Variants in GOSR1 observed in about 807,000 individuals in gnomAD.
GOSR1 encodes 28 kDa Golgi SNARE protein.
Under a neutral mutation model 35.5 loss-of-function variants are expected in GOSR1, and 21 were observed. The ratio of observed to expected loss-of-function variants is 0.59; its 90% CI spans 0.42 to 0.85. The LOEUF is 0.85. GOSR1 is among the 40% of genes least tolerant of loss of function. The probability of loss-of-function intolerance (pLI) is 0.00; values close to 1 mark genes in which losing one functional copy is unlikely to be tolerated. For missense variants in GOSR1, 285 were observed against 309.6 expected (o/e 0.92, Z 0.60); for synonymous variants, 94 against 106.6 (o/e 0.88, Z 0.73).
chr17:30,499,959 G>A (rs1967143473), intron 6 of GOSR1, among the ~76,000 whole-genome samples: 1 of 152,168 alleles, frequency 6.6e-6, no homozygotes, highest in South Asian at 2.1e-4. Context: ...ACAACTCACA[G>A]GTTATTGTGA....
chr17:30,494,907 CTTT>C (rs747137586), intron 6 of GOSR1, among the ~76,000 whole-genome samples: 2 of 139,378 alleles, frequency 1.4e-5, no homozygotes. Flanking sequence ...TGTGCCCAGA[CTTT>C]TTTTTTTTTT....
chr17:30,487,879 G>A lies in GOSR1; in HGVS notation c.343-2247G>A, dbSNP rs553877203. On this transcript the variant is annotated intron_variant, in intron 4 of 8. Transcript: ENST00000451249. ...CAGCCTCCACGTCCTGGGTTCAAGCGATTCTTCTGCCTCGGCCTCCCGAGT... is the reference window on the plus strand; with the variant it reads ...CAGCCTCCACGTCCTGGGTTCAAGCAATTCTTCTGCCTCGGCCTCCCGAGT... Among the ~76,000 whole-genome samples, 9 of 152,170 alleles carry A rather than the reference G, an allele frequency of 5.9e-5. No individual in the cohort carries two copies. The South Asian group carries it at 6.2e-4, about 11-fold the overall frequency.
intron 1 of GOSR1, 177 bp from the exon 2 acceptor site, chr17:30,480,966 C>T (rs1914301749): frequency 6.4e-6 from 3 of 472,294 alleles, no homozygotes; most frequent in Non-Finnish European, 7.8e-6. Flanking sequence ...CCCACCTTGG[C>T]CTCCCAAAGT....
At chr17:30,503,331 A>G (rs979294401) in intron 6 of GOSR1, among the ~76,000 whole-genome samples, 1 of 152,214 alleles carries the variant, frequency 6.6e-6, no homozygotes, top group Non-Finnish European at 1.5e-5. Context: ...ATTCCTCAGC[A>G]CGATAACTGG....
intron 7 of GOSR1, among the ~76,000 whole-genome samples, chr17:30,518,842 C>G (rs1416815192): frequency 6.6e-6 from 1 of 152,006 alleles, no homozygotes; most frequent in Non-Finnish European, 1.5e-5. Context: ...ACTCAGGAGG[C>G]TGAGGTGGGA....
chr17:30,510,304 C>A (rs1567912871), intron 6 of GOSR1, among the ~76,000 whole-genome samples: 1 of 150,850 alleles, frequency 6.6e-6, no homozygotes, highest in Non-Finnish European at 1.5e-5. Context: ...GAACTCCTGG[C>A]CTCAAGTGAT....
chr17:30,515,647 A>G (rs1325671050), intron 7 of GOSR1, among the ~76,000 whole-genome samples: 1 of 152,192 alleles, frequency 6.6e-6, no homozygotes, highest in African/African-American at 2.4e-5. Context: ...GATCCCTTCC[A>G]TTCTTGAGCA....
At chr17:30,507,780 G>A (rs1244258107) in intron 6 of GOSR1, among the ~76,000 whole-genome samples, 1 of 151,538 alleles carries the variant, frequency 6.6e-6, no homozygotes, top group Non-Finnish European at 1.5e-5. Flanking sequence ...ACTGAATTGT[G>A]CGGCAATCTT....
At chr17:30,514,058 A>T (rs1344997167) in intron 7 of GOSR1, among the ~76,000 whole-genome samples, 1 of 152,230 alleles carries the variant, frequency 6.6e-6, no homozygotes, top group Non-Finnish European at 1.5e-5. Flanking sequence ...CTTTTCTACA[A>T]AACAGCCACA....
Position 30,499,945 on chromosome 17 carries a change from A to C in GOSR1, c.509+7192A>C, listed in dbSNP as rs1037393802. Among the ~76,000 whole-genome samples the C allele has an allele frequency of 3.3e-5, 5 of 152,130 alleles. No homozygotes were observed. In the East Asian group the frequency reaches 9.6e-4, roughly 29 times the overall value. On this transcript the variant is annotated intron_variant, in intron 6 of 8. Transcript: ENST00000451249. Reference sequence around the variant, plus strand: ...CCATTCACGTATCTTCTTTTTTATTATTCACAACTCACAGGTTATTGTGAC... The same window carrying C: ...CCATTCACGTATCTTCTTTTTTATTCTTCACAACTCACAGGTTATTGTGAC...
intron 4 of GOSR1, among the ~76,000 whole-genome samples, chr17:30,487,206 T>C (rs1341761665): frequency 6.6e-6 from 1 of 152,146 alleles, no homozygotes; most frequent in Non-Finnish European, 1.5e-5. Flanking sequence ...TTAAAATCAG[T>C]GGGGCAAAGA....
Position 30,516,537 on chromosome 17 carries a change from C to T in GOSR1, c.540-3402C>T, listed in dbSNP as rs533957144. Among the ~76,000 whole-genome samples the T allele has an allele frequency of 5.9e-5, 9 of 151,942 alleles. No individual in the cohort carries two copies. The East Asian group carries it at 1.7e-3, about 29-fold the overall frequency. On this transcript the variant is annotated intron_variant, in intron 7 of 8. Coordinates refer to ENST00000451249, the MANE Select transcript of GOSR1 (RefSeq NM_001007025.2). ...ACCCCTCCATTCTTAACCCCTGAAG[C>T]AACTTGTGTTAACTGACAGTTGTGT...
chr17:30,497,766 A>G (rs2143748557), intron 6 of GOSR1, among the ~76,000 whole-genome samples: 1 of 152,170 alleles, frequency 6.6e-6, no homozygotes. Context: ...GTCTATTAAA[A>G]CTCAATGTAT....
intron 7 of GOSR1, among the ~76,000 whole-genome samples, 154 bp downstream of exon 7, chr17:30,511,063 T>C (rs897980729): frequency 2.6e-5 from 4 of 152,218 alleles, no homozygotes; most frequent in Admixed American, 1.3e-4. Flanking sequence ...ATTTTTACTA[T>C]GTCCTTTCCT....
Position 30,519,808 on chromosome 17 carries a change from C to T in GOSR1, c.540-131C>T, listed in dbSNP as rs1967958998. 4 of 618,726 alleles carry T rather than the reference C, an allele frequency of 6.5e-6. No individual in the cohort carries two copies. In the South Asian group the frequency reaches 8.2e-5, roughly 13 times the overall value. 38.3% of individuals were successfully genotyped at this position (618,726 alleles called of 1,614,324 possible). On this transcript the variant is annotated intron_variant, in intron 7 of 8. Transcript: ENST00000451249. ...AAGTGGCTTCGGAAGTGATTTTTTC[C>T]CCTTATTTTCTGGCACAGTGCTTTC...
chr17:30,493,960 G>A (rs888837243), intron 6 of GOSR1, among the ~76,000 whole-genome samples: 2 of 152,010 alleles, frequency 1.3e-5, no homozygotes, highest in African/African-American at 4.8e-5. Flanking sequence ...AATCAGAATT[G>A]CAGGATTAAA....
At chr17:30,487,799 G>T (rs539063269) in intron 4 of GOSR1, among the ~76,000 whole-genome samples, 1 of 151,530 alleles carries the variant, frequency 6.6e-6, no homozygotes, top group Non-Finnish European at 1.5e-5. Flanking sequence ...ACGGAGTCTC[G>T]CTCTGTTGTC....
intron 6 of GOSR1, among the ~76,000 whole-genome samples, chr17:30,507,934 T>C (rs1967466527): frequency 1.3e-5 from 2 of 152,162 alleles, no homozygotes; most frequent in Admixed American, 1.3e-4. Flanking sequence ...TGTAGAAACT[T>C]AGTTGATAAA....
chr17:30,499,531 C>T lies in GOSR1; in HGVS notation c.509+6778C>T, dbSNP rs187158234. The stretch of plus-strand genomic sequence containing the variant: ...TAATTTTTTGTATTTTTAGTAGAGA[C>T]GGGGTTTCACGGTGTTAGCCAGGAT... On this transcript the variant is annotated intron_variant, in intron 6 of 8. Coordinates refer to ENST00000451249, the MANE Select transcript of GOSR1 (RefSeq NM_001007025.2). 1.2e-4 allele frequency among the ~76,000 whole-genome samples: 19 copies of T among 152,126 alleles called. No individual in the cohort carries two copies. In the East Asian group the frequency reaches 3.3e-3, roughly 26 times the overall value.
Sources: gnomAD v4.1 joint callset for allele counts (sites outside exome capture counted in the v4.1 genomes callset) on GRCh38, gnomAD v4.1.1 for gene constraint, MANE v1.5 for transcripts, NCBI Gene and HGNC (gene_info 2026-07-23, HGNC 2026-07-21) for gene names.